The following SIMC1 variants were observed in gnomAD, a reference collection of about 807,000 sequenced individuals.
SIMC1 encodes SUMO interacting motifs containing 1.
In SIMC1, 55 loss-of-function variants were observed where a neutral mutation model predicts 82.3. The observed-to-expected ratio is 0.67, with a 90% confidence interval of 0.54 to 0.84. The LOEUF (loss-of-function observed/expected upper bound fraction) is 0.84. Among genes scored for constraint, SIMC1 ranks in the 40% least tolerant of loss-of-function variants. The pLI is 0.00. For synonymous variants in SIMC1, 353 were observed against 426.3 expected, an observed-to-expected ratio of 0.83 and a Z score of 2.12; for missense variants, 915 against 1,107.2, an observed-to-expected ratio of 0.83 and a Z score of 2.46.
At chr5:176,331,891 C>A (rs1480013562) in intron 7 of SIMC1, among the ~76,000 whole-genome samples, 1 of 151,900 alleles carries the variant, frequency 6.6e-6, no homozygotes, top group Non-Finnish European at 1.5e-5. Flanking sequence ...ATCGCTTGAA[C>A]CCAGGAGGCC....
intron 1 of SIMC1, among the ~76,000 whole-genome samples, chr5:176,284,037 G>C (rs1763142432): frequency 6.6e-6 from 1 of 152,100 alleles, no homozygotes; most frequent in Non-Finnish European, 1.5e-5. Flanking sequence ...AGTCCTTAGA[G>C]ACCTGCAAAG....
chr5:176,341,719 G>A (rs1766156141), intron 9 of SIMC1, among the ~76,000 whole-genome samples: 4 of 152,084 alleles, frequency 2.6e-5, no homozygotes, highest in Admixed American at 2.6e-4. Flanking sequence ...GAAGAGCTCA[G>A]GTTTGACATA....
Position 176,332,099 on chromosome 5 carries a change from G to C in SIMC1, c.2172-4621G>C, listed in dbSNP as rs1032256728. On this transcript the variant is annotated intron_variant, in intron 7 of 9. Coordinates refer to ENST00000429602, the MANE Select transcript of SIMC1 (RefSeq NM_001308195.2). Reference sequence around the variant, plus strand: ...TATATAGTTGGCATTTGTTGTTTTAGCCAGCTGAAAATTCCTGCTCTTTAA... The same window carrying C: ...TATATAGTTGGCATTTGTTGTTTTACCCAGCTGAAAATTCCTGCTCTTTAA... 3.3e-5 allele frequency among the ~76,000 whole-genome samples: 5 copies of C among 152,268 alleles called. No homozygotes were observed. In the East Asian group the frequency reaches 9.6e-4, roughly 29 times the overall value.
intron 1 of SIMC1, among the ~76,000 whole-genome samples, chr5:176,256,183 GAAAC>G (rs1417110407): frequency 1.3e-5 from 2 of 152,132 alleles, no homozygotes; most frequent in African/African-American, 4.8e-5. Flanking sequence ...GAAAATTTAA[GAAAC>G]AAATTTCAGA....
intron 9 of SIMC1, among the ~76,000 whole-genome samples, chr5:176,338,796 A>C (rs1209009510): frequency 7.9e-4 from 12 of 15,202 alleles, no homozygotes; most frequent in African/African-American, 2.0e-3. Context: ...TAGAGACTTT[A>C]AAAAAAAAAA....
At chr5:176,339,672 C>G (rs1469366467) in intron 9 of SIMC1, among the ~76,000 whole-genome samples, 8 of 152,098 alleles carry the variant, frequency 5.3e-5, no homozygotes, top group Admixed American at 3.9e-4. Flanking sequence ...ACTTTTATTA[C>G]AGAATATTTT....
At chr5:176,280,536 G>A (rs1303095289) in intron 1 of SIMC1, among the ~76,000 whole-genome samples, 5 of 151,984 alleles carry the variant, frequency 3.3e-5, no homozygotes, top group Non-Finnish European at 7.4e-5. Flanking sequence ...AGTCTCGATG[G>A]TCTTTACATT....
chr5:176,272,395 A>AC (rs201662316), intron 1 of SIMC1, among the ~76,000 whole-genome samples: 5 of 151,628 alleles, frequency 3.3e-5, no homozygotes, highest in Admixed American at 6.6e-5. Flanking sequence ...AAAAAAAAAA[A>AC]CATACAGATT....
At chr5:176,282,704 C>G (rs1211522595) in intron 1 of SIMC1, among the ~76,000 whole-genome samples, 5 of 152,194 alleles carry the variant, frequency 3.3e-5, no homozygotes, top group African/African-American at 1.2e-4. Context: ...GAGAACAAGA[C>G]TTCAGACAAT....
At chr5:176,322,480 A>C (rs1435224108) in intron 6 of SIMC1, 55 bp downstream of exon 6, 8 of 1,529,018 alleles carry the variant, frequency 5.2e-6, no homozygotes, top group Non-Finnish European at 7.1e-6. Flanking sequence ...TGTTTTAGAG[A>C]GAACAACACC....
chr5:176,327,000 AGGCAGTGTGTTGTACT>A (rs1765422466), intron 7 of SIMC1, among the ~76,000 whole-genome samples: 1 of 152,230 alleles, frequency 6.6e-6, no homozygotes. Context: ...TATTCAAAGG[AGGCAGTGTGTTGTACT>A]GGTCAGACAG....
chr5:176,334,147 T>C (rs1190640519), intron 7 of SIMC1, among the ~76,000 whole-genome samples: 1 of 152,240 alleles, frequency 6.6e-6, no homozygotes, highest in African/African-American at 2.4e-5. Flanking sequence ...TCTGTTTCTA[T>C]GGACATTTGC....
At chr5:176,308,359 C>G in intron 4 of SIMC1, 3 of 1,546,512 alleles carry the variant, frequency 1.9e-6, no homozygotes, top group Non-Finnish European at 2.7e-6. Context: ...CAGCTGTCTG[C>G]AGCTTCAACA....
At chr5:176,279,410 G>C (rs983436955) in intron 1 of SIMC1, among the ~76,000 whole-genome samples, 7 of 151,672 alleles carry the variant, frequency 4.6e-5, no homozygotes, top group East Asian at 1.9e-4. Flanking sequence ...TTTGTTGATC[G>C]TTTCAAAAAA....
chr5:176,295,430 A>C (rs550303255), intron 3 of SIMC1, among the ~76,000 whole-genome samples, 168 bp downstream of exon 3: 1 of 152,332 alleles, frequency 6.6e-6, no homozygotes, highest in South Asian at 2.1e-4. Context: ...ACAGACCTTA[A>C]CTACTGCTAA....
At chr5:176,255,151 C>T (rs1761806561) in intron 1 of SIMC1, among the ~76,000 whole-genome samples, 2 of 150,766 alleles carry the variant, frequency 1.3e-5, no homozygotes, top group South Asian at 4.2e-4. Context: ...TGGTGGGCAC[C>T]TGTAATCCCT....
intron 1 of SIMC1, among the ~76,000 whole-genome samples, chr5:176,263,077 G>A (rs557204037): frequency 1.6e-3 from 236 of 152,058 alleles, no homozygotes; most frequent in African/African-American, 5.3e-3. Context: ...ACAAATAGGC[G>A]TAAATATAAC....
At chr5:176,286,938 C>A (rs752968640) in intron 1 of SIMC1, among the ~76,000 whole-genome samples, 6 of 152,176 alleles carry the variant, frequency 3.9e-5, no homozygotes, top group East Asian at 1.9e-4. Context: ...GATACCATAT[C>A]ACACCAGTTA....
chr5:176,333,122 G>A (rs1292007206), intron 7 of SIMC1, among the ~76,000 whole-genome samples: 4 of 152,148 alleles, frequency 2.6e-5, no homozygotes, highest in Non-Finnish European at 5.9e-5. Context: ...TGGCCAACAC[G>A]GTGAAACCCC....
Sources: gnomAD v4.1 joint callset for allele counts (sites outside exome capture counted in the v4.1 genomes callset) on GRCh38, gnomAD v4.1.1 for gene constraint, MANE v1.5 for transcripts, NCBI Gene and HGNC (gene_info 2026-07-23, HGNC 2026-07-21) for gene names.